The following DNAH5 variants were observed in gnomAD, a reference collection of about 807,000 sequenced individuals.
The protein encoded by DNAH5 is dynein axonemal heavy chain 5, also known as axonemal beta dynein heavy chain 5.
A neutral mutation model predicts 518.2 loss-of-function variants in DNAH5; 372 were observed. The observed-to-expected ratio is 0.72, with a 90% confidence interval of 0.66 to 0.78. The LOEUF (loss-of-function observed/expected upper bound fraction) is 0.78. Ranked by LOEUF, DNAH5 falls within the 30% of genes least tolerant of loss-of-function variation. The pLI is 0.00. For synonymous variants in DNAH5, 2,039 were observed against 2,025.9 expected, an observed-to-expected ratio of 1.01 and a Z score of -0.17; for missense variants, 5,523 against 5,687.0, an observed-to-expected ratio of 0.97 and a Z score of 0.93.
chr5:13,740,172 T>A (rs986199297), intron 65 of DNAH5, among the ~76,000 whole-genome samples: 1 of 152,132 alleles, frequency 6.6e-6, no homozygotes, highest in Non-Finnish European at 1.5e-5. Context: ...CACTTCAAAA[T>A]GAGATTCAGA....
intron 17 of DNAH5, among the ~76,000 whole-genome samples, chr5:13,886,525 C>G (rs1316296655): frequency 1.3e-5 from 2 of 152,178 alleles, no homozygotes; most frequent in African/African-American, 2.4e-5. Context: ...AGACACTACC[C>G]ACCCTTCTAA....
intron 42 of DNAH5, among the ~76,000 whole-genome samples, chr5:13,815,375 T>C (rs180689340): frequency 1.3e-5 from 2 of 152,272 alleles, no homozygotes; most frequent in East Asian, 3.9e-4. Flanking sequence ...ACAGGCTTAG[T>C]GTAATACAAT....
chr5:13,753,519 G>T lies in DNAH5; in HGVS notation c.10586C>A (p.Ser3529Tyr). 1 of 1,613,810 alleles carries T rather than the reference G, an allele frequency of 6.2e-7. No homozygotes were observed. Among genetic ancestry groups the T allele is most frequent in the Non-Finnish European group, 8.5e-7 (1 of 1,179,888 alleles). ...CTCTTGGTTAAATGGACCAGAATAA[G>T]ATAGAAAAGCTGTAGCCAACAGTAC... ...GDVLLATAFL[S>Y]YSGPFNQEFR... Residue 3529 changes from serine (S) to tyrosine (Y), a missense_variant, in exon 63 of 79, where the codon TCT becomes TAT. Around this residue, in one of 3 missense-constraint regions of DNAH5, gnomAD observed 5,121 missense variants for 5,223.3 expected, o/e 0.98. Coordinates refer to ENST00000265104, the MANE Select transcript of DNAH5 (RefSeq NM_001369.3).
intron 1 of DNAH5, among the ~76,000 whole-genome samples, chr5:14,010,426 T>G (rs1785032669): frequency 6.6e-6 from 1 of 152,178 alleles, no homozygotes; most frequent in Middle Eastern, 3.2e-3. Flanking sequence ...TTTATATCCT[T>G]AAAGGGGAAA....
At chr5:13,825,399 T>C (rs1228132658) in intron 38 of DNAH5, among the ~76,000 whole-genome samples, 3 of 149,224 alleles carry the variant, frequency 2.0e-5, no homozygotes, top group East Asian at 2.2e-4. Context: ...CTCAAAGAGA[T>C]AGCAGCATAT....
chr5:13,719,325 A>C lies in DNAH5; in HGVS notation c.12280-224T>G, dbSNP rs17262853. On this transcript the variant is annotated intron_variant, in intron 71 of 78. Transcript: ENST00000265104. ...GTATACACTAGTATGCAATTGTACC[A>C]ATACTATATGGTCGCAATCATGAAT... Among the ~76,000 whole-genome samples, 16,417 of 152,200 alleles carry C rather than the reference A, an allele frequency of 0.11. 1,187 individuals carry two copies. Among genetic ancestry groups the C allele is most frequent in the Non-Finnish European group, 0.15 (10,059 of 67,992 alleles).
chr5:13,787,225 G>T lies in DNAH5; in HGVS notation c.8648-874C>A, dbSNP rs1756181849. ...TTTCAAAAAAAAAAAAAAGGATAAT[G>T]CCCAAGAAAAAGCTAAATTGGGCAC... On this transcript the variant is annotated intron_variant, in intron 51 of 78. Transcript: ENST00000265104. Among the ~76,000 whole-genome samples the T allele has an allele frequency of 2.0e-5, 3 of 151,226 alleles. 1 individual carries two copies. Among genetic ancestry groups the T allele is most frequent in the South Asian group, 4.2e-4 (2 of 4,780 alleles).
intron 1 of DNAH5, among the ~76,000 whole-genome samples, chr5:13,994,065 G>A (rs752596766): frequency 3.0e-4 from 45 of 152,270 alleles, no homozygotes; most frequent in African/African-American, 9.9e-4. Context: ...CCTCTGACCC[G>A]GGGGATCTTC....
At chr5:13,922,935 A>C (rs1246534390) in intron 4 of DNAH5, among the ~76,000 whole-genome samples, 3 of 151,978 alleles carry the variant, frequency 2.0e-5, no homozygotes, top group African/African-American at 7.2e-5. Context: ...AAAAAAAAAA[A>C]GTTATATATC....
At chr5:13,790,338 A>G (rs1756760092) in intron 50 of DNAH5, among the ~76,000 whole-genome samples, 1 of 152,238 alleles carries the variant, frequency 6.6e-6, no homozygotes, top group African/African-American at 2.4e-5. Context: ...AAAATGTGTG[A>G]CCTATACACC....
chr5:13,813,505 T>C (rs1761005837), intron 43 of DNAH5, among the ~76,000 whole-genome samples: 1 of 151,356 alleles, frequency 6.6e-6, no homozygotes, highest in African/African-American at 2.4e-5. Context: ...AGATTCTAAT[T>C]TGGTAAGATT....
intron 1 of DNAH5, among the ~76,000 whole-genome samples, chr5:13,952,727 A>T (rs1391801683): frequency 1.3e-5 from 2 of 152,228 alleles, no homozygotes; most frequent in African/African-American, 4.8e-5. Flanking sequence ...CAAGAAAACA[A>T]TATTTACATT....
intron 22 of DNAH5, 122 bp downstream of exon 22, chr5:13,876,562 T>A (rs1195736329): frequency 4.1e-5 from 48 of 1,169,864 alleles, no homozygotes; most frequent in Non-Finnish European, 5.3e-5. Context: ...ACATACAAGA[T>A]GCTCCCTGAA....
At chr5:13,923,195 A>G (rs1407735636) in intron 4 of DNAH5, 85 bp downstream of exon 4, 1 of 1,557,784 alleles carries the variant, frequency 6.4e-7, no homozygotes, top group Non-Finnish European at 8.9e-7. Context: ...AGTGAATACA[A>G]TGATTGTCTC....
chr5:13,776,576 C>G lies in DNAH5; in HGVS notation c.9236G>C (p.Arg3079Pro). 3 of 1,613,902 alleles carry G rather than the reference C, an allele frequency of 1.9e-6. No homozygotes were observed. The highest frequency in any genetic ancestry group is 2.5e-6 in the Non-Finnish European group (3 of 1,179,850). The change falls in exon 55 of 79, where the codon CGA (arginine) becomes CCA (proline). Residue 3079 changes from arginine (R) to proline (P), a missense_variant. Coordinates refer to ENST00000265104, the MANE Select transcript of DNAH5 (RefSeq NM_001369.3). ...GCAGAGCACAATATGAAGGTTCTGT[C>G]GGACCCGACTCATGAAGTAGTCGTG... The part of the protein sequence containing the change: ...NLHDYFMSRV[R>P]QNLHIVLCFS...
chr5:13,850,885 A>T, intron 30 of DNAH5, 70 bp from the exon 31 acceptor site: 1 of 1,495,618 alleles, frequency 6.7e-7, no homozygotes, highest in Non-Finnish European at 9.3e-7. Flanking sequence ...AGTATCTCAC[A>T]TTCCTCCAGC....
chr5:13,981,937 G>A (rs375972679), intron 1 of DNAH5, among the ~76,000 whole-genome samples: 3 of 152,164 alleles, frequency 2.0e-5, no homozygotes, highest in Non-Finnish European at 4.4e-5. Context: ...TGAAACACAA[G>A]GCGTAAGCTT....
intron 1 of DNAH5, among the ~76,000 whole-genome samples, chr5:14,005,007 A>C (rs550384422): frequency 1.3e-5 from 2 of 152,194 alleles, no homozygotes; most frequent in East Asian, 3.9e-4. Flanking sequence ...TCATATTTCA[A>C]GGATAAGTCC....
intron 1 of DNAH5, among the ~76,000 whole-genome samples, chr5:13,934,138 T>C (rs1778689322): frequency 1.3e-5 from 2 of 152,218 alleles, no homozygotes; most frequent in Non-Finnish European, 2.9e-5. Context: ...CTTCTGCCTT[T>C]GCACTTAGAA....
Sources: gnomAD v4.1 joint callset for allele counts (sites outside exome capture counted in the v4.1 genomes callset) on GRCh38, gnomAD v4.1.1 for gene constraint, gnomAD v4.1.1 regional missense constraint, MANE v1.5 for transcripts, NCBI Gene and HGNC (gene_info 2026-07-23, HGNC 2026-07-21) for gene names.